Variants in LRRTM4 observed in about 807,000 individuals in gnomAD.
The protein encoded by LRRTM4 is leucine-rich repeat transmembrane neuronal protein 4.
In LRRTM4, 25 loss-of-function variants were observed where a neutral mutation model predicts 47.6. The observed-to-expected ratio is 0.53, with a 90% CI of 0.38 to 0.73. The LOEUF (loss-of-function observed/expected upper bound fraction) is 0.73. Among genes scored for constraint, LRRTM4 ranks in the 30% least tolerant of loss-of-function variants. LRRTM4 has a pLI of 0.00. For missense variants in LRRTM4, 638 were observed against 713.4 expected (o/e 0.89, Z 1.20); for synonymous variants, 311 against 269.5 (o/e 1.15, Z -1.51).
chr2:77,380,023 C>A (rs1038599940), intron 3 of LRRTM4, among the ~76,000 whole-genome samples: 1 of 151,902 alleles, frequency 6.6e-6, no homozygotes, highest in East Asian at 1.9e-4. Flanking sequence ...ACTTTTTAAG[C>A]CAGAAAGCTA....
intron 3 of LRRTM4, among the ~76,000 whole-genome samples, chr2:76,887,278 T>G (rs1028682804): frequency 6.6e-6 from 1 of 151,776 alleles, no homozygotes; most frequent in Non-Finnish European, 1.5e-5. Flanking sequence ...AGCATTATCA[T>G]GAGAAAGTTA....
chr2:77,002,087 A>G (rs1677452043), intron 3 of LRRTM4, among the ~76,000 whole-genome samples: 1 of 152,194 alleles, frequency 6.6e-6, no homozygotes, highest in Non-Finnish European at 1.5e-5. Context: ...CAACATCATG[A>G]TGACTTTGCA....
chr2:76,771,666 AAAG>A (rs1175116418), intron 3 of LRRTM4, among the ~76,000 whole-genome samples: 2 of 151,908 alleles, frequency 1.3e-5, no homozygotes, highest in South Asian at 2.1e-4. Context: ...AAGAAAAAGA[AAAG>A]AAGAACATCA....
chr2:76,897,369 G>A (rs1183163808), intron 3 of LRRTM4, among the ~76,000 whole-genome samples: 2 of 152,016 alleles, frequency 1.3e-5, no homozygotes, highest in Non-Finnish European at 2.9e-5. Flanking sequence ...TTGTGTGTAA[G>A]GGACAGCTAT....
At chr2:76,909,015 A>G (rs1255921575) in intron 3 of LRRTM4, among the ~76,000 whole-genome samples, 4 of 152,158 alleles carry the variant, frequency 2.6e-5, no homozygotes, top group Non-Finnish European at 4.4e-5. Context: ...CATGGAAGCA[A>G]AAAAGAGCCC....
intron 3 of LRRTM4, among the ~76,000 whole-genome samples, chr2:77,383,659 C>A (rs1167173823): frequency 6.6e-6 from 1 of 152,018 alleles, no homozygotes; most frequent in Non-Finnish European, 1.5e-5. Flanking sequence ...ATTTAATACA[C>A]ACAAAAATTC....
At chr2:77,156,417 G>A (rs1324292616) in intron 3 of LRRTM4, among the ~76,000 whole-genome samples, 1 of 151,124 alleles carries the variant, frequency 6.6e-6, no homozygotes, top group Non-Finnish European at 1.5e-5. Flanking sequence ...TTCATCCACA[G>A]GAAAATGATT....
chr2:77,351,632 A>G (rs1671781956), intron 3 of LRRTM4, among the ~76,000 whole-genome samples: 1 of 148,614 alleles, frequency 6.7e-6, no homozygotes, highest in Non-Finnish European at 1.5e-5. Context: ...ATATATATAT[A>G]TATATATAGT....
At chr2:76,911,935 T>TTGG (rs1276825475) in intron 3 of LRRTM4, among the ~76,000 whole-genome samples, 3 of 94,518 alleles carry the variant, frequency 3.2e-5, no homozygotes, top group East Asian at 4.6e-4. Context: ...ATGTGCTTTT[T>TTGG]GGGGGGGGGG....
At chr2:77,512,965 G>C (rs1008116833) in intron 3 of LRRTM4, among the ~76,000 whole-genome samples, 1 of 152,070 alleles carries the variant, frequency 6.6e-6, no homozygotes, top group African/African-American at 2.4e-5. Flanking sequence ...TTTTTTGGCA[G>C]CTGTCACTCT....
chr2:77,362,170 A>AAGAAAGAAAGAAAGAAAGAAAGG (rs1672263551), intron 3 of LRRTM4, among the ~76,000 whole-genome samples: 4 of 133,630 alleles, frequency 3.0e-5, no homozygotes, highest in African/African-American at 1.3e-4. Flanking sequence ...AGAAAGAAAG[A>AAGAAAGAAAGAAAGAAAGAAAGG]AAGGAAGGAA....
intron 3 of LRRTM4, among the ~76,000 whole-genome samples, chr2:76,898,315 G>T (rs898685523): frequency 6.6e-5 from 10 of 151,768 alleles, no homozygotes; most frequent in Non-Finnish European, 1.3e-4. Context: ...TCAAATTTTT[G>T]GAAATCAGCA....
At chr2:77,512,498 C>G (rs1679058782) in intron 3 of LRRTM4, among the ~76,000 whole-genome samples, 1 of 152,090 alleles carries the variant, frequency 6.6e-6, no homozygotes, top group African/African-American at 2.4e-5. Context: ...AACATCACTT[C>G]ATGCTTTTCA....
chr2:77,516,969 A>G, intron 3 of LRRTM4: 1 of 985,020 alleles, frequency 1.0e-6, no homozygotes, highest in Non-Finnish European at 1.2e-6. Context: ...AGAAAGGGCA[A>G]CATCTTTAAT....
At chr2:77,090,768 C>T (rs1280743837) in intron 3 of LRRTM4, among the ~76,000 whole-genome samples, 1 of 152,176 alleles carries the variant, frequency 6.6e-6, no homozygotes, top group Non-Finnish European at 1.5e-5. Context: ...ACTTACCTGG[C>T]AGCCACTCCC....
chr2:77,376,726 C>T (rs952908722), intron 3 of LRRTM4, among the ~76,000 whole-genome samples: 1 of 151,802 alleles, frequency 6.6e-6, no homozygotes, highest in East Asian at 1.9e-4. Flanking sequence ...ATTTATCATG[C>T]TATCAACAAT....
At chr2:77,294,599 A>G (rs1301492877) in intron 3 of LRRTM4, among the ~76,000 whole-genome samples, 2 of 152,150 alleles carry the variant, frequency 1.3e-5, no homozygotes, top group African/African-American at 4.8e-5. Context: ...AGGAGAATGC[A>G]CATTAATGGA....
Position 77,050,069 on chromosome 2 carries a change from G to A in LRRTM4, c.1552-301153C>T, listed in dbSNP as rs140654058. 2.8e-4 allele frequency among the ~76,000 whole-genome samples: 42 copies of A among 151,258 alleles called. No homozygotes were observed. In the East Asian group the frequency reaches 6.2e-3, roughly 22 times the overall value. ...ATAAACACTTGTCCTTTGGAGCAGA[G>A]GTCAGAAAGAGTACCCAATAGGCTT... On this transcript the variant is annotated intron_variant, in intron 3 of 3. Transcript: ENST00000409884.
intron 3 of LRRTM4, among the ~76,000 whole-genome samples, chr2:76,800,713 G>C (rs1165144766): frequency 8.3e-6 from 1 of 120,660 alleles, no homozygotes; most frequent in Non-Finnish European, 1.7e-5. Context: ...ATCTGACAAA[G>C]GGCTAATATC....
Sources: gnomAD v4.1 joint callset for allele counts (sites outside exome capture counted in the v4.1 genomes callset) on GRCh38, gnomAD v4.1.1 for gene constraint, MANE v1.5 for transcripts, NCBI Gene and HGNC (gene_info 2026-07-23, HGNC 2026-07-21) for gene names.